The following EHD4 variants were observed in gnomAD, a reference collection of about 807,000 sequenced individuals.
EHD4 encodes EH domain-containing protein 4.
A neutral mutation model predicts 51.0 loss-of-function variants in EHD4; 37 were observed. The observed-to-expected ratio is 0.73, with a 90% CI of 0.56 to 0.95. EHD4 has a LOEUF of 0.95. Among genes scored for constraint, EHD4 ranks in the 40% least tolerant of loss-of-function variants. EHD4 has a pLI of 0.00. For synonymous variants in EHD4, 297 were observed against 317.3 expected (o/e 0.94, Z 0.68); for missense variants, 632 against 733.1 (o/e 0.86, Z 1.59).
At chr15:41,929,418 G>A (rs2067684267) in intron 3 of EHD4, among the ~76,000 whole-genome samples, 1 of 152,226 alleles carries the variant, frequency 6.6e-6, no homozygotes, top group South Asian at 2.1e-4. Context: ...ACAGACATGG[G>A]AACAGAGGAA....
intron 3 of EHD4, chr15:41,928,496 T>C (rs905025705): frequency 9.2e-5 from 14 of 152,222 alleles, no homozygotes; most frequent in Non-Finnish European, 1.5e-5. Context: ...ACCAGGATGG[T>C]AGAATCAGAG....
chr15:41,969,294 C>A (rs935672139), intron 1 of EHD4, among the ~76,000 whole-genome samples: 4 of 152,162 alleles, frequency 2.6e-5, no homozygotes. Flanking sequence ...CGCCTGTAAT[C>A]CCAGCACTTT....
chr15:41,946,285 G>A (rs1309590704), intron 2 of EHD4, among the ~76,000 whole-genome samples: 2 of 152,174 alleles, frequency 1.3e-5, no homozygotes, highest in Non-Finnish European at 2.9e-5. Context: ...AAGAGAAGAA[G>A]ACGGAGCAAC....
chr15:41,952,933 T>A (rs572724307), intron 2 of EHD4, among the ~76,000 whole-genome samples: 23 of 134,640 alleles, frequency 1.7e-4, no homozygotes, highest in Non-Finnish European at 2.9e-4. Context: ...GAGGTTGCAG[T>A]GAGCGGAGAT....
intron 4 of EHD4, among the ~76,000 whole-genome samples, chr15:41,917,195 A>C (rs938864451): frequency 3.3e-5 from 5 of 152,024 alleles, no homozygotes; most frequent in African/African-American, 1.2e-4. Flanking sequence ...ATCTTGGCTC[A>C]CTGCAACCTC....
At chr15:41,953,722 T>C in intron 2 of EHD4, 42 bp downstream of exon 2, 1 of 1,549,078 alleles carries the variant, frequency 6.5e-7, no homozygotes. Context: ...AAAGAAAAGG[T>C]TTAAACAGCC....
intron 1 of EHD4, among the ~76,000 whole-genome samples, chr15:41,969,895 G>T (rs1035978095): frequency 6.6e-6 from 1 of 152,196 alleles, no homozygotes; most frequent in African/African-American, 2.4e-5. Context: ...TGTGCAGGAA[G>T]CCAGGGAGAT....
intron 3 of EHD4, among the ~76,000 whole-genome samples, chr15:41,928,140 G>A (rs781516319): frequency 3.9e-5 from 6 of 152,152 alleles, no homozygotes; most frequent in Admixed American, 2.0e-4. Context: ...AGTTTACTTC[G>A]CAACTAGAAA....
rs374456521 is a variant in EHD4, at chr15:41,942,780, G to A, written c.511+287C>T. On this transcript the variant is annotated intron_variant, in intron 3 of 5. Transcript: ENST00000220325. ...AGGAGCCTCTCCCAACACCCCCGAG[G>A]CCAAGCCAGGTCCCCTCACACCTCG... is the stretch of plus-strand genomic sequence containing the variant. 142 of 296,170 alleles carry A rather than the reference G, an allele frequency of 4.8e-4. 2 individuals are homozygous for A. In the South Asian group the frequency reaches 5.7e-3, roughly 12 times the overall value. The allele number at this position is 296,170 out of a possible 1,614,324, so 18.3% of individuals were successfully genotyped here.
intron 1 of EHD4, among the ~76,000 whole-genome samples, chr15:41,954,377 G>C (rs1439555644): frequency 6.6e-6 from 1 of 152,158 alleles, no homozygotes. Context: ...GCCTTGAAGG[G>C]GCTCAAGGGA....
intron 3 of EHD4, chr15:41,942,727 A>G: frequency 4.5e-6 from 1 of 223,256 alleles, no homozygotes; most frequent in Non-Finnish European, 9.1e-6. Context: ...CTACTCCTTC[A>G]GATCCTAGTT....
In EHD4 at chr15:41,930,463, C is replaced by T. The variant is rs181623862; in HGVS notation, c.512-10841G>A. Among the ~76,000 whole-genome samples the T allele has an allele frequency of 1.5e-3, 225 of 152,350 alleles. 1 individual carries two copies. The highest frequency in any genetic ancestry group is 5.2e-3 in the African/African-American group (216 of 41,578). On this transcript the variant is annotated intron_variant, in intron 3 of 5. Transcript: ENST00000220325. ...CAAGGCTTTGACCGTGACAATGCAT[C>T]TTGTCATTCTGTGGTTCAGAAGGGC...
At chr15:41,956,383 G>T (rs1441132205) in intron 1 of EHD4, among the ~76,000 whole-genome samples, 1 of 152,318 alleles carries the variant, frequency 6.6e-6, no homozygotes, top group Non-Finnish European at 1.5e-5. Flanking sequence ...TAAGCAGTGA[G>T]TCCCCCAGCT....
chr15:41,913,731 A>C (rs1449928705), intron 4 of EHD4, among the ~76,000 whole-genome samples: 1 of 152,148 alleles, frequency 6.6e-6, no homozygotes, highest in Non-Finnish European at 1.5e-5. Flanking sequence ...ATAATTAATA[A>C]ACTCTCTCTA....
chr15:41,919,664 G>T, intron 3 of EHD4, 42 bp from the exon 4 acceptor site: 1 of 1,482,364 alleles, frequency 6.7e-7, no homozygotes, highest in Admixed American at 2.5e-5. Flanking sequence ...CACTGCTGCA[G>T]GAGACACGTT....
Position 41,953,710 on chromosome 15 carries a change from T to C in EHD4, c.413+54A>G, listed in dbSNP as rs2067867694. On this transcript the variant is annotated intron_variant, in intron 2 of 5. Transcript: ENST00000220325. ...ACCTTTATATGTAACTGGCAGTAATTCAAAGAAAAGGTTTAAACAGCCTGA... is the reference window on the plus strand; with the variant it reads ...ACCTTTATATGTAACTGGCAGTAATCCAAAGAAAAGGTTTAAACAGCCTGA... 5.3e-6 allele frequency: 8 copies of C among 1,520,174 alleles called. No individual in the cohort carries two copies. In the Admixed American group the frequency reaches 7.0e-5, roughly 13 times the overall value. 94.2% of individuals were successfully genotyped at this position (1,520,174 alleles called of 1,614,324 possible).
chr15:41,960,061 G>A (rs2067915106), intron 1 of EHD4, among the ~76,000 whole-genome samples: 1 of 151,500 alleles, frequency 6.6e-6, no homozygotes, highest in South Asian at 2.1e-4. Flanking sequence ...TACTTCCAAA[G>A]TCTTACAAGA....
At chr15:41,911,505 C>T (rs1298428738) in intron 4 of EHD4, among the ~76,000 whole-genome samples, 4 of 152,136 alleles carry the variant, frequency 2.6e-5, no homozygotes, top group African/African-American at 4.8e-5. Context: ...AGGGCCAGGG[C>T]TGAGGGAGCA....
In EHD4 at chr15:41,911,335, G is replaced by C. The variant is rs117032517; in HGVS notation, c.925-1472C>G. ...ACTTATTTTTCAAATGAAGACAATT[G>C]AAATGATTTACAAGATTCTTAGAGA... On this transcript the variant is annotated intron_variant, in intron 4 of 5. Transcript: ENST00000220325. Among the ~76,000 whole-genome samples, 47 of 152,340 alleles carry C rather than the reference G, an allele frequency of 3.1e-4. 1 individual carries two copies. Among genetic ancestry groups the C allele is most frequent in the Non-Finnish European group, 2.9e-4 (20 of 68,030 alleles).
Sources: gnomAD v4.1 joint callset for allele counts (sites outside exome capture counted in the v4.1 genomes callset) on GRCh38, gnomAD v4.1.1 for gene constraint, MANE v1.5 for transcripts, NCBI Gene and HGNC (gene_info 2026-07-23, HGNC 2026-07-21) for gene names.